The following CSMD2 variants were observed in gnomAD, a reference collection of about 807,000 sequenced individuals.
CSMD2 encodes CUB and sushi domain-containing protein 2.
A neutral mutation model predicts 398.5 loss-of-function variants in CSMD2; 130 were observed. The ratio of observed to expected loss-of-function variants is 0.33; its 90% confidence interval spans 0.28 to 0.38. The LOEUF (loss-of-function observed/expected upper bound fraction) is 0.38. CSMD2 is among the 10% of genes least tolerant of loss of function. The pLI is 1.00. For synonymous variants in CSMD2, 1,828 were observed against 1,908.5 expected (o/e 0.96, Z 1.10); for missense variants, 3,829 against 4,764.9 (o/e 0.80, Z 5.78).
At chr1:34,101,922 C>T (rs940296117) in intron 1 of CSMD2, among the ~76,000 whole-genome samples, 1 of 152,160 alleles carries the variant, frequency 6.6e-6, no homozygotes, top group Admixed American at 6.5e-5. Flanking sequence ...TTTGTACTAA[C>T]TCTTTATAGA....
chr1:33,520,207 C>G (rs1356162766), intron 68 of CSMD2, among the ~76,000 whole-genome samples: 1 of 152,228 alleles, frequency 6.6e-6, no homozygotes, highest in African/African-American at 2.4e-5. Context: ...CGCAGAGGAG[C>G]CTGAAACCAT....
At chr1:33,602,318 A>G (rs1176704364) in intron 43 of CSMD2, 51 bp downstream of exon 43, 3 of 1,591,036 alleles carry the variant, frequency 1.9e-6, no homozygotes, top group East Asian at 4.5e-5. Context: ...CCAGTGTAGA[A>G]CCCCAGTAAT....
At chr1:33,934,266 T>C (rs1644399056) in intron 4 of CSMD2, among the ~76,000 whole-genome samples, 1 of 152,188 alleles carries the variant, frequency 6.6e-6, no homozygotes, top group Non-Finnish European at 1.5e-5. Flanking sequence ...TCAGGATCCA[T>C]GGAATTTAGA....
chr1:33,929,431 A>ATTTTTTT (rs1243627294), intron 4 of CSMD2, among the ~76,000 whole-genome samples: 2 of 94,018 alleles, frequency 2.1e-5, no homozygotes, highest in African/African-American at 1.1e-4. Flanking sequence ...CCAAGCCTAT[A>ATTTTTTT]CTTTTTTTTT....
chr1:33,585,908 G>A (rs1358554024), intron 46 of CSMD2, among the ~76,000 whole-genome samples: 1 of 152,200 alleles, frequency 6.6e-6, no homozygotes, highest in African/African-American at 2.4e-5. Flanking sequence ...ATACCGCCAT[G>A]GCATAAGTAC....
chr1:34,124,240 T>G (rs938711738), intron 1 of CSMD2, among the ~76,000 whole-genome samples: 6 of 152,214 alleles, frequency 3.9e-5, no homozygotes, highest in South Asian at 2.1e-4. Flanking sequence ...TGATGCTTCC[T>G]GCCAGTGAGG....
chr1:33,544,036 A>G (rs1312833552), intron 57 of CSMD2, among the ~76,000 whole-genome samples: 2 of 151,500 alleles, frequency 1.3e-5, no homozygotes, highest in African/African-American at 2.4e-5. Flanking sequence ...TCCTGAGTCC[A>G]GTTAACATGA....
intron 25 of CSMD2, among the ~76,000 whole-genome samples, chr1:33,684,475 C>T (rs922904871): frequency 3.9e-5 from 6 of 152,190 alleles, no homozygotes; most frequent in African/African-American, 1.2e-4. Flanking sequence ...TCCCCCTCCA[C>T]GAAGCCAGAC....
At chr1:33,999,214 G>C (rs1232487467) in intron 3 of CSMD2, among the ~76,000 whole-genome samples, 7 of 152,094 alleles carry the variant, frequency 4.6e-5, no homozygotes, top group African/African-American at 1.7e-4. Flanking sequence ...AAATCTACAA[G>C]ACTGCAATGC....
intron 25 of CSMD2, among the ~76,000 whole-genome samples, chr1:33,670,366 C>A (rs151067545): frequency 6.6e-6 from 1 of 152,336 alleles, no homozygotes; most frequent in Non-Finnish European, 1.5e-5. Flanking sequence ...GAACGAATGG[C>A]TCACCAGCTT....
intron 5 of CSMD2, among the ~76,000 whole-genome samples, chr1:33,910,537 G>C (rs1428083090): frequency 1.3e-5 from 2 of 152,174 alleles, no homozygotes; most frequent in South Asian, 2.1e-4. Flanking sequence ...GTTTTGGGGA[G>C]GGCAGACAGT....
At chr1:33,680,458 C>T (rs969776212) in intron 25 of CSMD2, among the ~76,000 whole-genome samples, 4 of 152,102 alleles carry the variant, frequency 2.6e-5, no homozygotes, top group African/African-American at 9.7e-5. Flanking sequence ...CGTCTTGGGG[C>T]CTCTCTCTGG....
intron 44 of CSMD2, among the ~76,000 whole-genome samples, chr1:33,591,258 G>A (rs1639434483): frequency 6.6e-6 from 1 of 152,132 alleles, no homozygotes; most frequent in South Asian, 2.1e-4. Flanking sequence ...AAAGTGCTGG[G>A]ATTATAGGCG....
chr1:33,971,332 C>T (rs367915120), intron 3 of CSMD2, among the ~76,000 whole-genome samples: 1 of 152,230 alleles, frequency 6.6e-6, no homozygotes. Context: ...GCCAGTGTGG[C>T]GGCTTCATGG....
intron 10 of CSMD2, among the ~76,000 whole-genome samples, chr1:33,799,569 G>C (rs1036197827): frequency 1.3e-5 from 2 of 152,208 alleles, no homozygotes; most frequent in Non-Finnish European, 1.5e-5. Flanking sequence ...GGCAATGTAT[G>C]TATCTTGCCA....
chr1:33,851,727 T>C (rs1445213648), intron 5 of CSMD2, among the ~76,000 whole-genome samples: 1 of 152,198 alleles, frequency 6.6e-6, no homozygotes, highest in Admixed American at 6.5e-5. Flanking sequence ...CTTATCAAAA[T>C]GCTTTCCAAA....
intron 13 of CSMD2, among the ~76,000 whole-genome samples, chr1:33,762,649 C>T (rs1006975306): frequency 6.6e-5 from 10 of 152,210 alleles, no homozygotes; most frequent in African/African-American, 9.6e-5. Flanking sequence ...GTGCTACAAT[C>T]TTCCAAGAAG....
At chr1:33,820,933 T>C (rs1187163627) in intron 7 of CSMD2, among the ~76,000 whole-genome samples, 1 of 151,988 alleles carries the variant, frequency 6.6e-6, no homozygotes, top group Non-Finnish European at 1.5e-5. Context: ...GTGGAGACTC[T>C]AGATGAAATG....
chr1:33,839,706 G>T (rs955802782), intron 6 of CSMD2: 1 of 152,238 alleles, frequency 6.6e-6, no homozygotes, highest in African/African-American at 2.4e-5. Context: ...AACAGAGTCA[G>T]ATACACTGAA....
Sources: gnomAD v4.1 joint callset for allele counts (sites outside exome capture counted in the v4.1 genomes callset) on GRCh38, gnomAD v4.1.1 for gene constraint, MANE v1.5 for transcripts, NCBI Gene and HGNC (gene_info 2026-07-23, HGNC 2026-07-21) for gene names.